Variants in PCDHGA7 observed in about 807,000 individuals in gnomAD.
PCDHGA7 encodes protocadherin gamma subfamily A, 7, also known as protocadherin gamma-A7.
In PCDHGA7, 44 loss-of-function variants were observed where a neutral mutation model predicts 58.3. That is an observed-to-expected ratio of 0.75 (90% CI 0.59 to 0.97). The LOEUF (loss-of-function observed/expected upper bound fraction) is 0.97, where lower values mean the gene tolerates loss of function less well. Among genes scored for constraint, PCDHGA7 ranks in the 50% least tolerant of loss-of-function variants. The pLI is 0.00. For missense variants in PCDHGA7, 1,266 were observed against 1,188.7 expected (o/e 1.06, Z -0.96); for synonymous variants, 516 against 504.2 (o/e 1.02, Z -0.31).
chr5:141,431,401 C>T lies in PCDHGA7; in HGVS notation c.2424+46078C>T. ...CTGCTCACCACCTGGTCCTTACGGC[C>T]TCCGACGGGGGCGACCCGGTGCGCA... On this transcript the variant is annotated intron_variant, in intron 1 of 3. Transcript: ENST00000518325. The surrounding 1 kb of genome is among the most constrained non-coding windows in gnomAD (Gnocchi z 4.8). 2 of 1,613,800 alleles carry T rather than the reference C, an allele frequency of 1.2e-6. No homozygotes were observed. Among genetic ancestry groups the T allele is most frequent in the Admixed American group, 1.7e-5 (1 of 60,036 alleles).
chr5:141,485,714 G>C lies in PCDHGA7; in HGVS notation c.2425-9093G>C, dbSNP rs896709540. 6.2e-7 allele frequency: 1 copy of C among 1,614,064 alleles called. No homozygotes were observed. Among genetic ancestry groups the C allele is most frequent in the Non-Finnish European group, 8.5e-7 (1 of 1,180,050 alleles). On this transcript the variant is annotated intron_variant, in intron 1 of 3. Coordinates refer to ENST00000518325, the MANE Select transcript of PCDHGA7 (RefSeq NM_018920.4). The surrounding 1 kb of genome is among the most constrained non-coding windows in gnomAD (Gnocchi z 5.7). The stretch of plus-strand genomic sequence containing the variant: ...GAGCTCCAATGAACACTTTGCACTG[G>C]ATGTGAAGAAGCGCAGCGACGGCAG...
At position 141,489,257 on chromosome 5, in the gene PCDHGA7, T is replaced by TC. The variant is rs773157586; in HGVS notation, c.2425-5547dup. The stretch of plus-strand genomic sequence containing the variant: ...TTCTGGGTCATGGGGCCCAAGACAC[T>TC]CCCACAGCTCGCTGGGAAATGGCAA... On this transcript the variant is annotated intron_variant, in intron 1 of 3. Coordinates refer to ENST00000518325, the MANE Select transcript of PCDHGA7 (RefSeq NM_018920.4). The surrounding 1 kb of genome is among the most constrained non-coding windows in gnomAD (Gnocchi z 4.5). 1 of 1,550,308 alleles carries TC rather than the reference T, an allele frequency of 6.5e-7. No homozygotes were observed. Among genetic ancestry groups the TC allele is most frequent in the Non-Finnish European group, 8.7e-7 (1 of 1,148,342 alleles).
intron 1 of PCDHGA7, chr5:141,390,095 T>TC: frequency 6.2e-7 from 1 of 1,613,972 alleles, no homozygotes; most frequent in South Asian, 1.1e-5. Flanking sequence ...AATCCGTGGT[T>TC]CCCCCCAACT....
At chr5:141,389,236 C>G (rs1360916753) in intron 1 of PCDHGA7, 1 of 1,614,054 alleles carries the variant, frequency 6.2e-7, no homozygotes, top group Non-Finnish European at 8.5e-7. Context: ...CCGGTTTTCT[C>G]ACAGTCTTCC....
At chr5:141,501,837 G>C (rs2099811299) in intron 2 of PCDHGA7, among the ~76,000 whole-genome samples, 1 of 152,018 alleles carries the variant, frequency 6.6e-6, no homozygotes, top group Admixed American at 6.5e-5. Flanking sequence ...CCACCTGTTT[G>C]GCCCTCAACC....
At chr5:141,438,749 C>T (rs1238134451) in intron 1 of PCDHGA7, among the ~76,000 whole-genome samples, 3 of 149,226 alleles carry the variant, frequency 2.0e-5, no homozygotes, top group African/African-American at 4.9e-5. Context: ...GCAACCTCTG[C>T]CTCCTGGGTT....
At position 141,423,606 on chromosome 5, in the gene PCDHGA7, G is replaced by A. The variant is rs945897368; in HGVS notation, c.2424+38283G>A. 9 of 1,612,046 alleles carry A rather than the reference G, an allele frequency of 5.6e-6. No individual in the cohort carries two copies. In the Admixed American group the frequency reaches 1.0e-4, roughly 18 times the overall value. On this transcript the variant is annotated intron_variant, in intron 1 of 3. Transcript: ENST00000518325. ...GCTGTGAGAAAAGCGAGCCACTCTT[G>A]ATAGCTGAAGACTCAGCTATCATTT...
intron 1 of PCDHGA7, among the ~76,000 whole-genome samples, chr5:141,469,808 A>C (rs1253675252): frequency 2.0e-5 from 3 of 152,174 alleles, no homozygotes; most frequent in Admixed American, 6.5e-5. Flanking sequence ...AAAACATTGT[A>C]GATAGAATGG....
At chr5:141,428,312 C>A in intron 1 of PCDHGA7, 1 of 671,484 alleles carries the variant, frequency 1.5e-6, no homozygotes, top group Non-Finnish European at 2.7e-6. Flanking sequence ...CTGGTCGTGG[C>A]CTTGGCCTTG....
At chr5:141,418,844 A>G (rs781310201) in intron 1 of PCDHGA7, 2 of 1,613,936 alleles carry the variant, frequency 1.2e-6, no homozygotes, top group South Asian at 2.2e-5. Context: ...ATCTCTCTCA[A>G]CACGGTGTAA....
chr5:141,424,127 A>T (rs901831932), intron 1 of PCDHGA7: 1 of 486,538 alleles, frequency 2.1e-6, no homozygotes, highest in African/African-American at 2.1e-5. Flanking sequence ...GATCCTGTTG[A>T]TTTAATAGCA....
chr5:141,448,426 T>C (rs892222815), intron 1 of PCDHGA7, among the ~76,000 whole-genome samples: 1 of 152,164 alleles, frequency 6.6e-6, no homozygotes, highest in Non-Finnish European at 1.5e-5. Context: ...ATACTATGTA[T>C]ATATTGAGAA....
At chr5:141,469,259 A>G (rs1263722797) in intron 1 of PCDHGA7, among the ~76,000 whole-genome samples, 1 of 151,822 alleles carries the variant, frequency 6.6e-6, no homozygotes, top group Admixed American at 6.6e-5. Flanking sequence ...CTTGGGCAAC[A>G]GAGCAAGACC....
chr5:141,428,056 C>T (rs2097104330), intron 1 of PCDHGA7: 3 of 1,609,000 alleles, frequency 1.9e-6, no homozygotes, highest in African/African-American at 1.3e-5. Flanking sequence ...AAGGTGGTGG[C>T]GGTGGACGCA....
At chr5:141,404,865 T>C (rs1308625182) in intron 1 of PCDHGA7, 12 of 1,613,552 alleles carry the variant, frequency 7.4e-6, no homozygotes, top group Non-Finnish European at 1.0e-5. Flanking sequence ...AGAGATGCGC[T>C]CAAACAGAGC....
In PCDHGA7 at chr5:141,418,814, A is replaced by G. The variant is rs2096290321; in HGVS notation, c.2424+33491A>G. ...AGAAGTAGAAAGATATACGATAAACATAGAAGCAAAAGACCGAGGATCTCT... is the reference window on the plus strand; with the variant it reads ...AGAAGTAGAAAGATATACGATAAACGTAGAAGCAAAAGACCGAGGATCTCT... On this transcript the variant is annotated intron_variant, in intron 1 of 3. Transcript: ENST00000518325. The G allele has an allele frequency of 6.2e-7, 1 of 1,613,962 alleles. No individual in the cohort carries two copies.
At position 141,490,003 on chromosome 5, in the gene PCDHGA7, G is replaced by A. The variant is rs2099694760; in HGVS notation, c.2425-4804G>A. On this transcript the variant is annotated intron_variant, in intron 1 of 3. Transcript: ENST00000518325. This position sits in a 1 kb window ranked among gnomAD's most constrained non-coding sequence, Gnocchi z 5.4. ...TCTACGTGTGGGAATCCCAGAGAAT[G>A]CACCCATTGGTACTCTGCTGCTCCG... 6.2e-7 allele frequency: 1 copy of A among 1,614,204 alleles called. No homozygotes were observed. Among genetic ancestry groups the A allele is most frequent in the Non-Finnish European group, 8.5e-7 (1 of 1,180,008 alleles).
At chr5:141,478,500 T>C (rs754881921) in intron 1 of PCDHGA7, 16 of 1,612,740 alleles carry the variant, frequency 9.9e-6, no homozygotes, top group Non-Finnish European at 1.4e-5. Context: ...TGTGATCCGG[T>C]GTTCTATAGG....
At position 141,498,920 on chromosome 5, in the gene PCDHGA7, G is replaced by A. The variant is rs930391165; in HGVS notation, c.2483+4055G>A. On this transcript the variant is annotated intron_variant, in intron 2 of 3. Transcript: ENST00000518325. ...TGCACTCCAGTCTGGGTGACAGAGC[G>A]AGACTCCATCAGGAAAGAAAGAAAG... 3.3e-4 allele frequency among the ~76,000 whole-genome samples: 47 copies of A among 142,950 alleles called. 1 individual carries two copies. Among genetic ancestry groups the A allele is most frequent in the African/African-American group, 8.9e-4 (35 of 39,160 alleles). The allele number at this position is 142,950 out of a possible 152,430, so 93.8% of individuals were successfully genotyped here. A position where few individuals can be genotyped will look rare whatever the true frequency, so the allele number is the denominator to read the frequency against.
Sources: gnomAD v4.1 joint callset for allele counts (sites outside exome capture counted in the v4.1 genomes callset) on GRCh38, gnomAD v4.1.1 for gene constraint, Gnocchi (gnomAD v3.1) non-coding constraint, MANE v1.5 for transcripts, NCBI Gene and HGNC (gene_info 2026-07-23, HGNC 2026-07-21) for gene names.